The following SYTL5 variants were observed in gnomAD, a reference collection of about 807,000 sequenced individuals.
SYTL5 encodes synaptotagmin like 5, also known as synaptotagmin-like protein 5.
Under a neutral mutation model 55.9 loss-of-function variants are expected in SYTL5, and 34 were observed. The ratio of observed to expected loss-of-function variants is 0.61; its 90% CI spans 0.46 to 0.81. The LOEUF (loss-of-function observed/expected upper bound fraction) is 0.81, where lower values mean the gene tolerates loss of function less well. Ranked by LOEUF, SYTL5 falls within the 30% of genes least tolerant of loss-of-function variation. The pLI is 0.00. For missense variants in SYTL5, 637 were observed against 546.7 expected, an observed-to-expected ratio of 1.17 and a Z score of -1.65; for synonymous variants, 221 against 188.7, an observed-to-expected ratio of 1.17 and a Z score of -1.40.
intron 16 of SYTL5, 66 bp downstream of exon 16, chrX:38,125,572 A>G: frequency 1.2e-6 from 1 of 855,618 alleles, no homozygotes; most frequent in East Asian, 3.1e-5. Context: ...CTATTCTTGC[A>G]GATGTGATGT....
At chrX:37,976,484 C>T in the SYTL5 span, among the ~76,000 whole-genome samples, 1 of 111,655 alleles carries the variant, frequency 9.0e-6, no homozygotes, top group Non-Finnish European at 1.9e-5. Flanking sequence ...AGAGAAGCAT[C>T]ATGAGTCCTG....
At chrX:37,914,412 G>A in the SYTL5 span, among the ~76,000 whole-genome samples, 1 of 111,656 alleles carries the variant, frequency 9.0e-6, no homozygotes, top group East Asian at 2.8e-4. Flanking sequence ...ATTTCTCTAT[G>A]CAAGAACACA....
At chrX:38,082,344 C>T (rs1209548127) in intron 6 of SYTL5, among the ~76,000 whole-genome samples, 2 of 112,188 alleles carry the variant, frequency 1.8e-5, no homozygotes, top group Non-Finnish European at 3.8e-5. Flanking sequence ...TATTATGTGA[C>T]ATGTTACCAC....
the SYTL5 span, among the ~76,000 whole-genome samples, chrX:37,925,832 A>G: frequency 1.8e-5 from 2 of 111,389 alleles, no homozygotes; most frequent in African/African-American, 3.3e-5. Flanking sequence ...CTTAGCTCCT[A>G]CTTATGAGTG....
intron 1 of SYTL5, among the ~76,000 whole-genome samples, chrX:38,025,054 G>A (rs1934713670): frequency 9.0e-6 from 1 of 111,723 alleles, no homozygotes; most frequent in Non-Finnish European, 1.9e-5. Flanking sequence ...CAGTCTTGTG[G>A]ACTGCTGTGC....
chrX:38,024,562 C>T (rs1373306252), intron 1 of SYTL5, among the ~76,000 whole-genome samples: 1 of 111,246 alleles, frequency 9.0e-6, no homozygotes, highest in Non-Finnish European at 1.9e-5. Flanking sequence ...CACTGTGTGG[C>T]CTCAAATGTA....
At chrX:38,122,561 C>A (rs1362588513) in intron 15 of SYTL5, among the ~76,000 whole-genome samples, 3 of 111,977 alleles carry the variant, frequency 2.7e-5, no homozygotes, top group Non-Finnish European at 5.6e-5. Flanking sequence ...TTTGTCCTGG[C>A]AATATGCAAC....
intron 13 of SYTL5, among the ~76,000 whole-genome samples, chrX:38,117,540 C>A (rs186586491): frequency 8.9e-6 from 1 of 112,307 alleles, no homozygotes; most frequent in East Asian, 2.8e-4. Context: ...CTACCTTAAA[C>A]CTTCGGGGCT....
chrX:38,016,790 A>G (rs1048024917), intron 1 of SYTL5, among the ~76,000 whole-genome samples: 11 of 112,179 alleles, frequency 9.8e-5, no homozygotes, highest in Admixed American at 1.9e-4. Flanking sequence ...TTTGTTCAGA[A>G]CATTGAACTT....
At chrX:38,111,429 G>A (rs1000566181) in intron 13 of SYTL5, among the ~76,000 whole-genome samples, 19 of 112,106 alleles carry the variant, frequency 1.7e-4, no homozygotes, top group African/African-American at 5.8e-4. Flanking sequence ...GATAGTATAC[G>A]TGTTACTTGG....
chrX:38,096,718 T>C (rs1246722668), intron 9 of SYTL5, among the ~76,000 whole-genome samples: 1 of 111,402 alleles, frequency 9.0e-6, no homozygotes, highest in East Asian at 2.8e-4. Context: ...TATTTCCCAG[T>C]CTAATATTCT....
At chrX:38,050,672 G>C (rs1180829845) in intron 2 of SYTL5, among the ~76,000 whole-genome samples, 1 of 111,353 alleles carries the variant, frequency 9.0e-6, no homozygotes, top group Admixed American at 9.6e-5. Context: ...ATGTTTATCA[G>C]TCAATATAGG....
the SYTL5 span, among the ~76,000 whole-genome samples, chrX:37,975,265 T>G: frequency 9.0e-6 from 1 of 111,480 alleles, no homozygotes; most frequent in African/African-American, 3.3e-5. Flanking sequence ...GGCTGAGAGC[T>G]CCTCCCAGGG....
the SYTL5 span, among the ~76,000 whole-genome samples, chrX:37,935,737 T>C: frequency 8.9e-6 from 1 of 112,082 alleles, no homozygotes; most frequent in South Asian, 3.6e-4. Flanking sequence ...AGAAAATATC[T>C]TAAAAAAATA....
the SYTL5 span, chrX:37,946,319 T>A: frequency 7.4e-6 from 1 of 134,948 alleles, no homozygotes; most frequent in Admixed American, 9.2e-5. Flanking sequence ...TTGGCTATAC[T>A]ACAGTCTTTG....
chrX:38,079,757 A>G (rs1251871896), intron 6 of SYTL5, among the ~76,000 whole-genome samples: 1 of 111,875 alleles, frequency 8.9e-6, no homozygotes, highest in African/African-American at 3.2e-5. Context: ...ACTCAGCCTG[A>G]TCCTGTAGGA....
At chrX:37,929,103 C>A in the SYTL5 span, among the ~76,000 whole-genome samples, 1 of 112,532 alleles carries the variant, frequency 8.9e-6, no homozygotes, top group Admixed American at 9.4e-5. Flanking sequence ...TATGCAGAGG[C>A]AAAGCCCAGA....
the SYTL5 span, among the ~76,000 whole-genome samples, chrX:37,971,007 T>G: frequency 2.0e-4 from 22 of 112,376 alleles, no homozygotes; most frequent in African/African-American, 7.1e-4. Context: ...GCCACCTTAT[T>G]TAGTAAAGAT....
chrX:37,971,534 T>TAACAAC, the SYTL5 span, among the ~76,000 whole-genome samples: 9 of 110,049 alleles, frequency 8.2e-5, no homozygotes, highest in East Asian at 2.8e-4. Flanking sequence ...ACAACAACAA[T>TAACAAC]AACAACAACA....
Sources: gnomAD v4.1 joint callset for allele counts (sites outside exome capture counted in the v4.1 genomes callset) on GRCh38, gnomAD v4.1.1 for gene constraint, MANE v1.5 for transcripts, NCBI Gene and HGNC (gene_info 2026-07-23, HGNC 2026-07-21) for gene names.